Variants in PSMD5 observed in about 807,000 individuals in gnomAD.
PSMD5 encodes 26S proteasome non-ATPase regulatory subunit 5.
Under a neutral mutation model 52.1 loss-of-function variants are expected in PSMD5, and 40 were observed. The ratio of observed to expected loss-of-function variants is 0.77; its 90% confidence interval spans 0.60 to 1.00. PSMD5 has a LOEUF of 1.00. PSMD5 is among the 50% of genes least tolerant of loss of function. The probability of loss-of-function intolerance (pLI) is 0.00; values close to 1 mark genes in which losing one functional copy is unlikely to be tolerated. For synonymous variants in PSMD5, 211 were observed against 226.6 expected (o/e 0.93, Z 0.62); for missense variants, 575 against 605.2 (o/e 0.95, Z 0.52).
intron 1 of PSMD5, among the ~76,000 whole-genome samples, chr9:120,834,051 C>T (rs1162341024): frequency 2.1e-5 from 3 of 145,860 alleles, no homozygotes; most frequent in African/African-American, 7.7e-5. Context: ...ACGATCTCTG[C>T]TCACTGCAAC....
intron 4 of PSMD5, among the ~76,000 whole-genome samples, chr9:120,831,071 A>T (rs2045156457): frequency 6.6e-6 from 1 of 152,004 alleles, no homozygotes. Flanking sequence ...CGTTGTAGAG[A>T]TGGGGTCTCA....
At chr9:120,828,298 G>A (rs1021350022) in intron 5 of PSMD5, among the ~76,000 whole-genome samples, 1 of 150,316 alleles carries the variant, frequency 6.7e-6, no homozygotes, top group African/African-American at 2.5e-5. Context: ...ACTGCACCTG[G>A]CACAATATCT....
At chr9:120,830,859 C>T (rs1327954341) in intron 4 of PSMD5, among the ~76,000 whole-genome samples, 1 of 150,270 alleles carries the variant, frequency 6.7e-6, no homozygotes, top group Non-Finnish European at 1.5e-5. Context: ...AATATCTTCT[C>T]TATCATAGTA....
intron 6 of PSMD5, chr9:120,826,555 C>T: frequency 1.9e-6 from 1 of 515,104 alleles, no homozygotes; most frequent in Admixed American, 3.7e-5. Flanking sequence ...AGGATAAATC[C>T]CACTTCATCA....
At position 120,820,857 on chromosome 9, in the gene PSMD5, A is replaced by G. The variant is rs2045078601; in HGVS notation, c.1239T>C (p.Ala413=). 1 of 1,589,862 alleles carries G rather than the reference A, an allele frequency of 6.3e-7. No homozygotes were observed. The highest frequency in any genetic ancestry group is 1.2e-5 in the South Asian group (1 of 86,938). The change falls in exon 9 of 10, where the codon GCT becomes GCC. Residue 413 remains alanine, a synonymous_variant. Coordinates refer to ENST00000210313, the MANE Select transcript of PSMD5 (RefSeq NM_005047.4). ...SSQPFPELHC[A]ALKVFTAIAN... is the part of the protein sequence containing the mutation. The stretch of plus-strand genomic sequence containing the variant: ...TACCTACCGTAAACACTTTTAAGGC[A>G]GCACAGTGTAGTTCAGGGAAGGGCT...
intron 1 of PSMD5, among the ~76,000 whole-genome samples, chr9:120,839,838 G>T (rs1180284868): frequency 7.0e-6 from 1 of 142,272 alleles, no homozygotes; most frequent in Non-Finnish European, 1.5e-5. Context: ...AGTCTTGGCT[G>T]GGCGCAGTGG....
At chr9:120,824,386 C>T (rs757201696) in intron 7 of PSMD5, 108 bp downstream of exon 7, 16 of 1,030,434 alleles carry the variant, frequency 1.6e-5, no homozygotes, top group Non-Finnish European at 2.4e-5. Context: ...AAGACTGCCA[C>T]CCATAAAATA....
chr9:120,822,485 A>G (rs374375031), intron 7 of PSMD5, among the ~76,000 whole-genome samples: 91 of 152,362 alleles, frequency 6.0e-4, no homozygotes, highest in South Asian at 3.1e-3. Flanking sequence ...AAAACGACAT[A>G]TAACAAAAAT....
intron 1 of PSMD5, among the ~76,000 whole-genome samples, chr9:120,840,187 C>T (rs1490303162): frequency 1.3e-5 from 2 of 149,244 alleles, no homozygotes; most frequent in African/African-American, 4.9e-5. Flanking sequence ...TGCAGTGGTG[C>T]AATCTTGGCT....
At chr9:120,821,992 T>G (rs1043023339) in intron 7 of PSMD5, among the ~76,000 whole-genome samples, 2 of 152,176 alleles carry the variant, frequency 1.3e-5, no homozygotes, top group African/African-American at 4.8e-5. Context: ...GTACAAACAT[T>G]TGTTTGAGTC....
chr9:120,822,970 AG>A (rs1387389051), intron 7 of PSMD5, among the ~76,000 whole-genome samples: 1 of 151,864 alleles, frequency 6.6e-6, no homozygotes, highest in Non-Finnish European at 1.5e-5. Flanking sequence ...CTGGGACTAT[AG>A]GCATGCACCA....
intron 1 of PSMD5, among the ~76,000 whole-genome samples, chr9:120,834,031 G>A (rs1338545268): frequency 7.0e-6 from 1 of 142,516 alleles, no homozygotes; most frequent in Non-Finnish European, 1.5e-5. Flanking sequence ...CCAGGCTGGA[G>A]TACAGTGGCA....
rs1313640378 is a variant in PSMD5, at chr9:120,842,856, C to A, written c.54G>T (p.Pro18=). Residue 18 remains proline (P), a synonymous_variant, in exon 1 of 10, where the codon CCG becomes CCT. Transcript: ENST00000210313. ...LLREVARLEA[P]LEELRALHSV... is the part of the protein sequence containing the mutation. The stretch of plus-strand genomic sequence containing the variant: ...AGTGAAGCGCGCGTAGCTCCTCCAG[C>A]GGCGCTTCCAGCCTCGCTACCTCTC... The A allele has an allele frequency of 4.4e-6, 7 of 1,605,788 alleles. No homozygotes were observed. The East Asian group carries it at 1.3e-4, about 31-fold the overall frequency.
intron 1 of PSMD5, among the ~76,000 whole-genome samples, chr9:120,835,192 C>T (rs776910250): frequency 1.4e-4 from 22 of 152,226 alleles, no homozygotes; most frequent in Non-Finnish European, 2.9e-4. Context: ...AACTTGTACA[C>T]AAATGTTCAC....
Position 120,829,144 on chromosome 9 carries a change from A to G in PSMD5, c.626T>C (p.Val209Ala), listed in dbSNP as rs775610256. The change falls in exon 5 of 10, where the codon GTA becomes GCA. Residue 209 changes from valine to alanine, a missense_variant. Coordinates refer to ENST00000210313, the MANE Select transcript of PSMD5 (RefSeq NM_005047.4). ...SLNYCTTSGL[V>A]TQLLRELTGE... Reference sequence around the variant, plus strand: ...AGTCAGCTCTCTCAGGAGCTGGGTTACCAATCCACTTGTGGTACAGTAGTT... The same window carrying G: ...AGTCAGCTCTCTCAGGAGCTGGGTTGCCAATCCACTTGTGGTACAGTAGTT... 6.2e-7 allele frequency: 1 copy of G among 1,609,196 alleles called. No homozygotes were observed. Among genetic ancestry groups the G allele is most frequent in the South Asian group, 1.1e-5 (1 of 90,276 alleles).
chr9:120,833,290 G>A lies in PSMD5; in HGVS notation c.318+22C>T, dbSNP rs369303037. ...TGGCCCAGAGCAGGTGGTCAATGTC[G>A]GTTCCTAGTAGAATTTCATACCTGG... is the stretch of plus-strand genomic sequence containing the variant. On this transcript the variant is annotated intron_variant, in intron 2 of 9. Transcript: ENST00000210313. 2.7e-5 allele frequency: 44 copies of A among 1,611,268 alleles called. No homozygotes were observed. The Admixed American group carries it at 5.0e-4, about 18-fold the overall frequency.
At position 120,842,914 on chromosome 9, in the gene PSMD5, C is replaced by A; in HGVS notation, c.-5G>T. 6.4e-7 allele frequency: 1 copy of A among 1,573,288 alleles called. No homozygotes were observed. The highest frequency in any genetic ancestry group is 1.1e-5 in the South Asian group (1 of 87,938). On this transcript the variant is annotated 5_prime_UTR_variant, in exon 1 of 10. Transcript: ENST00000210313. Reference sequence around the variant, plus strand: ...CGCCAAAGCCTGGGCTGCCATCTTGCCCCCCGACGCAGGGGCTGGCCCAGC... The same window carrying A: ...CGCCAAAGCCTGGGCTGCCATCTTGACCCCCGACGCAGGGGCTGGCCCAGC...
intron 7 of PSMD5, among the ~76,000 whole-genome samples, chr9:120,821,811 A>C (rs2045087106): frequency 6.6e-6 from 1 of 152,246 alleles, no homozygotes; most frequent in Non-Finnish European, 1.5e-5. Context: ...TCAGTGGCGC[A>C]GGCTTCCTCC....
intron 6 of PSMD5, 70 bp from the exon 7 acceptor site, chr9:120,824,755 C>T: frequency 7.6e-7 from 1 of 1,319,364 alleles, no homozygotes. Flanking sequence ...TCTATGACTT[C>T]ACAGGAACAG....
Sources: gnomAD v4.1 joint callset for allele counts (sites outside exome capture counted in the v4.1 genomes callset) on GRCh38, gnomAD v4.1.1 for gene constraint, MANE v1.5 for transcripts, NCBI Gene and HGNC (gene_info 2026-07-23, HGNC 2026-07-21) for gene names.